KCNIP4: variants seen among roughly 807,000 people sequenced by gnomAD.
KCNIP4 encodes Kv channel-interacting protein 4.
KCNIP4 carries 12 observed loss-of-function variants against 34.0 expected under a neutral mutation model. The observed-to-expected ratio is 0.35, with a 90% CI of 0.23 to 0.57. KCNIP4 has a LOEUF of 0.57. Ranked by LOEUF, KCNIP4 falls within the 20% of genes least tolerant of loss-of-function variation. The pLI is 0.83. For missense variants in KCNIP4, 238 were observed against 311.7 expected, an observed-to-expected ratio of 0.76 and a Z score of 1.78; for synonymous variants, 124 against 102.2, an observed-to-expected ratio of 1.21 and a Z score of -1.29.
At chr4:21,263,494 T>TAGA (rs1415238374) in intron 1 of KCNIP4, among the ~76,000 whole-genome samples, 2 of 152,164 alleles carry the variant, frequency 1.3e-5, no homozygotes, top group African/African-American at 4.8e-5. Context: ...ACTAAGCTTC[T>TAGA]GGGCCTTCAA....
At chr4:21,460,662 T>A (rs1450032664) in intron 1 of KCNIP4, among the ~76,000 whole-genome samples, 1 of 152,120 alleles carries the variant, frequency 6.6e-6, no homozygotes, top group African/African-American at 2.4e-5. Flanking sequence ...CCCAACTTCA[T>A]GACCTCATTT....
intron 1 of KCNIP4, among the ~76,000 whole-genome samples, chr4:21,693,289 G>T (rs1199375097): frequency 6.6e-6 from 1 of 152,136 alleles, no homozygotes; most frequent in African/African-American, 2.4e-5. Context: ...GGCTGGGCAC[G>T]GTGGCTCATG....
chr4:21,732,413 G>A (rs1452009826), intron 1 of KCNIP4, among the ~76,000 whole-genome samples: 1 of 152,100 alleles, frequency 6.6e-6, no homozygotes, highest in Non-Finnish European at 1.5e-5. Context: ...AAGTGAGAAA[G>A]CAGAGGCGTA....
chr4:21,617,895 A>C (rs1481940799), intron 1 of KCNIP4, among the ~76,000 whole-genome samples: 2 of 152,208 alleles, frequency 1.3e-5, no homozygotes, highest in Non-Finnish European at 2.9e-5. Context: ...CAAAAAGGTT[A>C]CTTGTTCTTT....
chr4:20,959,204 T>TC (rs1182613181), intron 1 of KCNIP4, among the ~76,000 whole-genome samples: 3 of 152,192 alleles, frequency 2.0e-5, no homozygotes, highest in African/African-American at 7.2e-5. Flanking sequence ...GGTGACATGG[T>TC]TCACCTCTTG....
At chr4:21,497,198 G>A (rs1045436138) in intron 1 of KCNIP4, among the ~76,000 whole-genome samples, 10 of 152,246 alleles carry the variant, frequency 6.6e-5, no homozygotes, top group African/African-American at 2.4e-4. Context: ...CTCTGGAGGA[G>A]GGCAATGAAG....
At chr4:20,905,296 CTT>C (rs1055518507) in intron 1 of KCNIP4, among the ~76,000 whole-genome samples, 2 of 152,036 alleles carry the variant, frequency 1.3e-5, no homozygotes, top group African/African-American at 4.8e-5. Flanking sequence ...TCCCTGGTGT[CTT>C]TTTCTCTTTT....
At chr4:21,822,561 TA>T (rs1422035277) in intron 1 of KCNIP4, among the ~76,000 whole-genome samples, 1 of 152,196 alleles carries the variant, frequency 6.6e-6, no homozygotes, top group Non-Finnish European at 1.5e-5. Flanking sequence ...TGTTCCATGG[TA>T]AATTGGTAGT....
chr4:21,502,149 A>G lies in KCNIP4; in HGVS notation c.61+446422T>C, dbSNP rs74320480. Among the ~76,000 whole-genome samples, 99 of 152,248 alleles carry G rather than the reference A, an allele frequency of 6.5e-4. No homozygotes were observed. In the East Asian group the frequency reaches 0.016, roughly 25 times the overall value. The stretch of plus-strand genomic sequence containing the variant: ...TGAGAGCAGTATAAAGGAGAAATTT[A>G]CTTTATAAAAATTGTAATATCTTAG... On this transcript the variant is annotated intron_variant, in intron 1 of 8. Transcript: ENST00000382152.
chr4:21,109,310 C>A (rs561613655), intron 1 of KCNIP4, among the ~76,000 whole-genome samples: 5 of 152,210 alleles, frequency 3.3e-5, no homozygotes, highest in Non-Finnish European at 7.3e-5. Flanking sequence ...CAATGGCAGG[C>A]GCCCCTCCCC....
intron 1 of KCNIP4, among the ~76,000 whole-genome samples, chr4:21,538,618 T>C (rs1737420223): frequency 6.6e-6 from 1 of 152,128 alleles, no homozygotes; most frequent in Admixed American, 6.5e-5. Context: ...CCCCCCAATA[T>C]TTTATGCCCC....
At chr4:21,419,848 A>G (rs1725302797) in intron 1 of KCNIP4, among the ~76,000 whole-genome samples, 1 of 152,218 alleles carries the variant, frequency 6.6e-6, no homozygotes, top group Non-Finnish European at 1.5e-5. Context: ...ATCCCAGTCC[A>G]TGCAGAAATT....
At chr4:21,805,711 T>A (rs574396041) in intron 1 of KCNIP4, among the ~76,000 whole-genome samples, 1 of 152,264 alleles carries the variant, frequency 6.6e-6, no homozygotes, top group South Asian at 2.1e-4. Flanking sequence ...TTTTCCCCTC[T>A]ATGGAAGATT....
intron 1 of KCNIP4, among the ~76,000 whole-genome samples, chr4:21,496,194 A>C (rs906082771): frequency 6.6e-6 from 1 of 152,206 alleles, no homozygotes; most frequent in Admixed American, 6.5e-5. Context: ...TCAGGAGCTA[A>C]GGTGATTGAG....
chr4:21,103,911 A>G (rs1748215737), intron 1 of KCNIP4, among the ~76,000 whole-genome samples: 1 of 151,906 alleles, frequency 6.6e-6, no homozygotes, highest in Non-Finnish European at 1.5e-5. Flanking sequence ...GAAGGACATG[A>G]ACTCATCATT....
intron 1 of KCNIP4, among the ~76,000 whole-genome samples, chr4:21,939,644 G>T (rs908426304): frequency 1.3e-5 from 2 of 152,108 alleles, no homozygotes; most frequent in African/African-American, 4.8e-5. Context: ...CAGATATCAT[G>T]ACTTCAGCAG....
chr4:20,733,032 G>A lies in KCNIP4; in HGVS notation c.538-247C>T, dbSNP rs113537302. Among the ~76,000 whole-genome samples, 592 of 152,218 alleles carry A rather than the reference G, an allele frequency of 3.9e-3. 4 individuals are homozygous for A. Among genetic ancestry groups the A allele is most frequent in the African/African-American group, 0.013 (521 of 41,530 alleles). On this transcript the variant is annotated intron_variant, in intron 6 of 8. Transcript: ENST00000382152. ...GTTTCAAAAGGAAGCAAATTTCCATGTATCTACCATAGTCAGGAAAAGAAT... is the reference window on the plus strand; with the variant it reads ...GTTTCAAAAGGAAGCAAATTTCCATATATCTACCATAGTCAGGAAAAGAAT...
Position 21,905,091 on chromosome 4 carries a change from C to A in KCNIP4, c.61+43480G>T, listed in dbSNP as rs62301439. 2.2e-3 allele frequency among the ~76,000 whole-genome samples: 332 copies of A among 152,200 alleles called. 2 individuals are homozygous for A. Among genetic ancestry groups the A allele is most frequent in the Non-Finnish European group, 3.6e-3 (244 of 68,006 alleles). On this transcript the variant is annotated intron_variant, in intron 1 of 8. Coordinates refer to ENST00000382152, the MANE Select transcript of KCNIP4 (RefSeq NM_025221.6). ...AGTAAAGAAACTGCTCAAAGAGGAG[C>A]CAGATTTTTCCATAATGACCCCAAA...
chr4:21,247,522 G>T (rs972191588), intron 1 of KCNIP4, among the ~76,000 whole-genome samples: 1 of 147,714 alleles, frequency 6.8e-6, no homozygotes, highest in Non-Finnish European at 1.5e-5. Context: ...GGACGATATG[G>T]CCCAGGAACA....
Sources: gnomAD v4.1 joint callset for allele counts (sites outside exome capture counted in the v4.1 genomes callset) on GRCh38, gnomAD v4.1.1 for gene constraint, MANE v1.5 for transcripts, NCBI Gene and HGNC (gene_info 2026-07-23, HGNC 2026-07-21) for gene names.